The following DCDC1 variants were observed in gnomAD, a reference collection of about 807,000 sequenced individuals.
The protein encoded by DCDC1 is doublecortin domain-containing protein 1.
A neutral mutation model predicts 178.3 loss-of-function variants in DCDC1; 200 were observed. The ratio of observed to expected loss-of-function variants is 1.12; its 90% confidence interval spans 1.00 to 1.26. The LOEUF is 1.26. Among genes scored for constraint, DCDC1 ranks in the 50% most tolerant of loss-of-function variants. The probability of loss-of-function intolerance (pLI) is 0.00; values close to 1 mark genes in which losing one functional copy is unlikely to be tolerated. For synonymous variants in DCDC1, 690 were observed against 604.8 expected, an observed-to-expected ratio of 1.14 and a Z score of -2.07; for missense variants, 1,983 against 1,749.2, an observed-to-expected ratio of 1.13 and a Z score of -2.38.
At chr11:31,073,022 C>G (rs1956662741) in intron 18 of DCDC1, among the ~76,000 whole-genome samples, 1 of 152,218 alleles carries the variant, frequency 6.6e-6, no homozygotes, top group Non-Finnish European at 1.5e-5. Context: ...TATGATCCAG[C>G]TGCAAATAAT....
At chr11:31,287,176 C>A (rs185874546) in intron 7 of DCDC1, among the ~76,000 whole-genome samples, 2 of 151,410 alleles carry the variant, frequency 1.3e-5, no homozygotes, top group Admixed American at 1.3e-4. Flanking sequence ...CATTAAAGAT[C>A]AAAATCAAAT....
chr11:31,338,471 G>A (rs550547135), intron 1 of DCDC1, among the ~76,000 whole-genome samples: 3 of 152,312 alleles, frequency 2.0e-5, no homozygotes, highest in Admixed American at 6.5e-5. Flanking sequence ...CTATCTACAG[G>A]AAGAAGGGCG....
chr11:31,301,172 TG>T (rs1434175484), intron 6 of DCDC1, among the ~76,000 whole-genome samples: 46 of 152,192 alleles, frequency 3.0e-4, no homozygotes, highest in African/African-American at 1.0e-3. Flanking sequence ...GAGAAGAAAA[TG>T]TTTTTTTTTC....
intron 7 of DCDC1, among the ~76,000 whole-genome samples, chr11:31,277,690 T>G (rs1231175243): frequency 6.6e-6 from 1 of 152,138 alleles, no homozygotes; most frequent in Non-Finnish European, 1.5e-5. Flanking sequence ...TCTTTTCATG[T>G]GCTAATGGTT....
At position 30,915,693 on chromosome 11, in the gene DCDC1, A is replaced by G; in HGVS notation, c.3471T>C (p.Ser1157=). 1 of 1,613,584 alleles carries G rather than the reference A, an allele frequency of 6.2e-7. No homozygotes were observed. The highest frequency in any genetic ancestry group is 1.1e-5 in the South Asian group (1 of 91,018). Reference sequence around the variant, plus strand: ...GCTGATGACAATGCTTGTGCAATTTACTATGCTTTGGTGAACAGCTGAGAT... The same window carrying G: ...GCTGATGACAATGCTTGTGCAATTTGCTATGCTTTGGTGAACAGCTGAGAT... ...QKKHSCSPKH[S]KLHKHCHQQF... The change falls in exon 27 of 39, where the codon AGT becomes AGC. Residue 1157 remains serine, a synonymous_variant. Transcript: ENST00000684477.
chr11:31,099,693 G>A lies in DCDC1; in HGVS notation c.1983+2484C>T, dbSNP rs142242829. ...AAATCAGATAGGGCTACAATGATGGGCAGGGTTTTTTTGTTTGTTTGTTTG... is the reference window on the plus strand; with the variant it reads ...AAATCAGATAGGGCTACAATGATGGACAGGGTTTTTTTGTTTGTTTGTTTG... On this transcript the variant is annotated intron_variant, in intron 15 of 38. Transcript: ENST00000684477. Among the ~76,000 whole-genome samples, 176 of 151,536 alleles carry A rather than the reference G, an allele frequency of 1.2e-3. 1 individual carries two copies. The highest frequency in any genetic ancestry group is 4.0e-3 in the African/African-American group (165 of 41,378).
intron 15 of DCDC1, among the ~76,000 whole-genome samples, chr11:31,098,075 T>C (rs1441441996): frequency 6.6e-6 from 1 of 152,222 alleles, no homozygotes; most frequent in African/African-American, 2.4e-5. Context: ...TGAAGCCATG[T>C]ACTGAAAGGC....
intron 9 of DCDC1, among the ~76,000 whole-genome samples, chr11:31,162,896 A>AT (rs1318233545): frequency 2.0e-5 from 3 of 152,208 alleles, no homozygotes; most frequent in African/African-American, 7.2e-5. Flanking sequence ...GCATACAATA[A>AT]TTAGCACAGC....
intron 9 of DCDC1, among the ~76,000 whole-genome samples, chr11:31,155,478 A>G (rs1382705605): frequency 6.6e-6 from 1 of 152,246 alleles, no homozygotes; most frequent in Non-Finnish European, 1.5e-5. Context: ...CAGAAAAAAT[A>G]ATCTCCTTCC....
chr11:31,242,662 G>A (rs562797857), intron 8 of DCDC1, among the ~76,000 whole-genome samples: 10 of 151,930 alleles, frequency 6.6e-5, no homozygotes, highest in East Asian at 3.9e-4. Flanking sequence ...AGGTCATGCC[G>A]TTAGTTATGT....
chr11:31,094,224 C>G (rs1470452645), intron 15 of DCDC1, 40 bp from the exon 16 acceptor site: 1 of 762,502 alleles, frequency 1.3e-6, no homozygotes, highest in Admixed American at 1.7e-5. Flanking sequence ...AACTCATAGT[C>G]TAAGAGTTAA....
At chr11:30,997,809 GTA>G (rs1056368115) in intron 20 of DCDC1, among the ~76,000 whole-genome samples, 3 of 144,328 alleles carry the variant, frequency 2.1e-5, no homozygotes, top group African/African-American at 5.9e-5. Flanking sequence ...ACCATAGTGT[GTA>G]TGTGTGTGTG....
At chr11:30,866,203 G>T (rs1050859217) in intron 38 of DCDC1, among the ~76,000 whole-genome samples, 2 of 152,164 alleles carry the variant, frequency 1.3e-5, no homozygotes, top group African/African-American at 4.8e-5. Flanking sequence ...TCAAAAGATT[G>T]CCAGCTTTTC....
At chr11:31,027,687 T>C (rs537259407) in intron 20 of DCDC1, among the ~76,000 whole-genome samples, 3 of 152,002 alleles carry the variant, frequency 2.0e-5, no homozygotes, top group Non-Finnish European at 4.4e-5. Flanking sequence ...CCATAATACA[T>C]GGTAAAAACA....
At chr11:31,108,325 G>A (rs994754312) in intron 12 of DCDC1, among the ~76,000 whole-genome samples, 1 of 152,096 alleles carries the variant, frequency 6.6e-6, no homozygotes. Context: ...AAGAGGCAAA[G>A]GTGTTAGAAT....
chr11:31,251,850 T>C (rs539991572), intron 8 of DCDC1, among the ~76,000 whole-genome samples: 1 of 152,086 alleles, frequency 6.6e-6, no homozygotes, highest in East Asian at 1.9e-4. Flanking sequence ...TACTGGGGCA[T>C]GAAGGAGAGT....
intron 21 of DCDC1, among the ~76,000 whole-genome samples, chr11:30,933,291 GT>G (rs1947058560): frequency 6.6e-6 from 1 of 151,684 alleles, no homozygotes; most frequent in Non-Finnish European, 1.5e-5. Context: ...AGTTTGGTTA[GT>G]TTTTTTAAAA....
chr11:31,154,536 G>A (rs563238441), intron 9 of DCDC1, among the ~76,000 whole-genome samples: 46 of 152,166 alleles, frequency 3.0e-4, no homozygotes, highest in African/African-American at 1.1e-3. Context: ...CTCTAAAGTG[G>A]GCTCTTAGTA....
At chr11:31,181,422 A>G (rs1968781227) in intron 9 of DCDC1, among the ~76,000 whole-genome samples, 1 of 152,206 alleles carries the variant, frequency 6.6e-6, no homozygotes, top group Non-Finnish European at 1.5e-5. Context: ...CCTGACTGGG[A>G]GATATCACCC....
Sources: gnomAD v4.1 joint callset for allele counts (sites outside exome capture counted in the v4.1 genomes callset) on GRCh38, gnomAD v4.1.1 for gene constraint, MANE v1.5 for transcripts, NCBI Gene and HGNC (gene_info 2026-07-23, HGNC 2026-07-21) for gene names.